Variants in AOPEP observed in about 807,000 individuals in gnomAD.
AOPEP encodes the protein aminopeptidase O (putative), also known as aminopeptidase O.
AOPEP carries 77 observed loss-of-function variants against 98.1 expected under a neutral mutation model. The observed-to-expected ratio is 0.78, with a 90% CI of 0.65 to 0.95. AOPEP has a LOEUF of 0.95. Among genes scored for constraint, AOPEP ranks in the 40% least tolerant of loss-of-function variants. The probability of loss-of-function intolerance (pLI) is 0.00; values close to 1 mark genes in which losing one functional copy is unlikely to be tolerated. For missense variants in AOPEP, 1,024 were observed against 1,024.7 expected, an observed-to-expected ratio of 1.00 and a Z score of 0.01; for synonymous variants, 346 against 365.3, an observed-to-expected ratio of 0.95 and a Z score of 0.60.
chr9:95,139,980 GT>G, the AOPEP span, among the ~76,000 whole-genome samples: 5 of 151,680 alleles, frequency 3.3e-5, no homozygotes, highest in Non-Finnish European at 7.4e-5. Context: ...CGCTAAGGTT[GT>G]CCTTTTTCTT....
In AOPEP at chr9:94,778,523, A is replaced by G. The variant is rs923871187; in HGVS notation, c.964+5355A>G. Among the ~76,000 whole-genome samples, 28 of 152,282 alleles carry G rather than the reference A, an allele frequency of 1.8e-4. No homozygotes were observed. In the East Asian group the frequency reaches 4.8e-3, roughly 26 times the overall value. On this transcript the variant is annotated intron_variant, in intron 3 of 16. Coordinates refer to ENST00000375315, the MANE Select transcript of AOPEP (RefSeq NM_001193329.3). ...ACATTATGCTGAGTAAAATAGAGTC[A>G]CACTGAATGACCCTTTTTATATGAA...
At chr9:95,136,202 T>TC in the AOPEP span, among the ~76,000 whole-genome samples, 7 of 152,066 alleles carry the variant, frequency 4.6e-5, no homozygotes, top group African/African-American at 1.4e-4. Flanking sequence ...ACCAGCCTGG[T>TC]CAAATAGTGA....
intron 5 of AOPEP, among the ~76,000 whole-genome samples, chr9:94,808,229 G>A (rs1364369116): frequency 6.6e-6 from 1 of 151,974 alleles, no homozygotes; most frequent in African/African-American, 2.4e-5. Flanking sequence ...TAATAGACAC[G>A]GGGTTTCACC....
Position 94,954,248 on chromosome 9 carries a change from C to T in AOPEP, c.1662-929C>T, listed in dbSNP as rs888846734. On this transcript the variant is annotated intron_variant, in intron 7 of 16. Transcript: ENST00000375315. ...CTGAAGCAGAAGGATCATTTGAGCT[C>T]AGGAGGCAGAGGTTGCAGTGAGCCA... Among the ~76,000 whole-genome samples, 4 of 152,106 alleles carry T rather than the reference C, an allele frequency of 2.6e-5. No individual in the cohort carries two copies. The South Asian group carries it at 8.3e-4, about 31-fold the overall frequency.
intron 7 of AOPEP, among the ~76,000 whole-genome samples, chr9:94,947,227 C>T (rs193250209): frequency 0.014 from 2,151 of 151,946 alleles, 57 homozygotes; most frequent in African/African-American, 0.049. Context: ...GTGATCCACC[C>T]GCCTCGGCCT....
intron 3 of AOPEP, among the ~76,000 whole-genome samples, chr9:94,774,615 T>A (rs1344315135): frequency 6.6e-6 from 1 of 152,182 alleles, no homozygotes; most frequent in East Asian, 1.9e-4. Flanking sequence ...TATCTGAATA[T>A]ATCAGAATTT....
intron 11 of AOPEP, among the ~76,000 whole-genome samples, chr9:94,986,181 G>A (rs545036729): frequency 1.3e-5 from 2 of 152,204 alleles, no homozygotes; most frequent in South Asian, 4.1e-4. Context: ...GCTTGTAGAC[G>A]GCCACCTTCT....
Position 95,082,623 on chromosome 9 carries a change from A to G in AOPEP, c.2368A>G (p.Arg790Gly). The change falls in exon 16 of 17, where the codon AGA becomes GGA. Residue 790 changes from arginine (R) to glycine (G), a missense_variant. Coordinates refer to ENST00000375315, the MANE Select transcript of AOPEP (RefSeq NM_001193329.3). ...GGAGCTGATGGTGAGTGAGGACGCC[A>G]GACAGCAGCAGCTCGCCCGTAGGTG... ...YGELMVSEDA[R>G]QQQLARRCFE... 6.2e-7 allele frequency: 1 copy of G among 1,614,248 alleles called. No homozygotes were observed. The highest frequency in any genetic ancestry group is 8.5e-7 in the Non-Finnish European group (1 of 1,180,048).
chr9:95,016,129 C>CT (rs751229648), intron 13 of AOPEP, among the ~76,000 whole-genome samples: 29 of 145,998 alleles, frequency 2.0e-4, no homozygotes, highest in Non-Finnish European at 2.7e-4. Flanking sequence ...TTGCATTAAG[C>CT]TTTTTTTTTT....
chr9:94,970,041 C>T (rs2059441273), intron 10 of AOPEP, among the ~76,000 whole-genome samples: 1 of 152,138 alleles, frequency 6.6e-6, no homozygotes, highest in African/African-American at 2.4e-5. Flanking sequence ...ATCCAGGGCT[C>T]ATGAGGACGT....
chr9:94,899,469 G>C (rs1380519247), intron 5 of AOPEP, among the ~76,000 whole-genome samples: 1 of 151,248 alleles, frequency 6.6e-6, no homozygotes, highest in East Asian at 1.9e-4. Flanking sequence ...AATTATGAAG[G>C]CCAGGCACGG....
chr9:94,846,521 G>T (rs944815173), intron 5 of AOPEP, among the ~76,000 whole-genome samples: 1 of 152,206 alleles, frequency 6.6e-6, no homozygotes, highest in Non-Finnish European at 1.5e-5. Context: ...TAGGGAAATT[G>T]CTGGAGAAGG....
At position 94,877,330 on chromosome 9, in the gene AOPEP, T is replaced by C. The variant is rs78694296; in HGVS notation, c.1365-46656T>C. Among the ~76,000 whole-genome samples the C allele has an allele frequency of 7.4e-3, 1,133 of 152,170 alleles. 15 individuals carry two copies. Among genetic ancestry groups the C allele is most frequent in the African/African-American group, 0.026 (1,094 of 41,496 alleles). The stretch of plus-strand genomic sequence containing the variant: ...TGCATAGCTCCTGAACAAAGTTCAG[T>C]GGGTAATGTACTTTTTTGGGTTCGT... On this transcript the variant is annotated intron_variant, in intron 5 of 16. Transcript: ENST00000375315.
At chr9:94,998,026 T>C (rs533228057) in intron 11 of AOPEP, among the ~76,000 whole-genome samples, 2 of 152,170 alleles carry the variant, frequency 1.3e-5, no homozygotes, top group South Asian at 2.1e-4. Context: ...ATAATGTCCA[T>C]GAATATCAAG....
chr9:95,058,549 G>T (rs1178832794), intron 13 of AOPEP, among the ~76,000 whole-genome samples: 1 of 152,200 alleles, frequency 6.6e-6, no homozygotes, highest in Non-Finnish European at 1.5e-5. Flanking sequence ...TGTCTGGAGG[G>T]GCCTTGATGC....
At chr9:94,871,384 C>G (rs1320748979) in intron 5 of AOPEP, among the ~76,000 whole-genome samples, 2 of 152,132 alleles carry the variant, frequency 1.3e-5, no homozygotes, top group East Asian at 1.9e-4. Flanking sequence ...CGGGACATAC[C>G]ACCCTGCGTA....
At chr9:94,883,179 T>A (rs1219715779) in intron 5 of AOPEP, among the ~76,000 whole-genome samples, 2 of 152,212 alleles carry the variant, frequency 1.3e-5, no homozygotes, top group African/African-American at 2.4e-5. Context: ...CCCGCTTCGT[T>A]GCCTGCTGTT....
chr9:95,132,839 T>G, the AOPEP span, among the ~76,000 whole-genome samples: 1 of 152,156 alleles, frequency 6.6e-6, no homozygotes, highest in East Asian at 1.9e-4. Context: ...GTACCACACT[T>G]TTATCTTTTG....
At chr9:94,762,186 G>A (rs1045027529) in intron 2 of AOPEP, among the ~76,000 whole-genome samples, 1 of 152,144 alleles carries the variant, frequency 6.6e-6, no homozygotes, top group Non-Finnish European at 1.5e-5. Flanking sequence ...GGTGGCTCAC[G>A]CCTGTAATCC....
Sources: allele counts gnomAD v4.1 joint callset (sites outside exome capture counted in the v4.1 genomes callset), GRCh38; gene constraint gnomAD v4.1.1; transcripts MANE v1.5; gene names NCBI Gene and HGNC (gene_info 2026-07-23, HGNC 2026-07-21).